The following C4orf50 variants were observed in gnomAD, a reference collection of about 807,000 sequenced individuals.
C4orf50 encodes chromosome 4 open reading frame 50.
C4orf50 carries 80 observed loss-of-function variants against 77.2 expected under a neutral mutation model. The observed-to-expected ratio is 1.04, with a 90% CI of 0.87 to 1.25. The LOEUF (loss-of-function observed/expected upper bound fraction) is 1.25. C4orf50 is among the 50% of genes most tolerant of loss of function. The pLI is 0.00. For synonymous variants in C4orf50, 532 were observed against 465.3 expected (o/e 1.14, Z -1.84); for missense variants, 1,257 against 1,152.9 (o/e 1.09, Z -1.31).
intron 32 of C4orf50, 56 bp from the exon 11 acceptor site, chr4:5,965,201 A>G (rs942876910): frequency 3.2e-6 from 5 of 1,571,192 alleles, no homozygotes; most frequent in South Asian, 2.3e-5. Context: ...TGAAAAGTCT[A>G]CAAGTGTCTG....
At chr4:5,977,041 G>A (rs1299908575) in intron 29 of C4orf50, among the ~76,000 whole-genome samples, 1 of 152,290 alleles carries the variant, frequency 6.6e-6, no homozygotes, top group East Asian at 1.9e-4. Context: ...CCTCTGGGGA[G>A]ACCGTGAGAC....
At chr4:5,976,245 A>G (rs1439033265) in intron 29 of C4orf50, among the ~76,000 whole-genome samples, 2 of 151,822 alleles carry the variant, frequency 1.3e-5, no homozygotes, top group Non-Finnish European at 2.9e-5. Flanking sequence ...GGAGATCGAG[A>G]CCATCCTGGC....
intron 28 of C4orf50, 35 bp from the exon 7 acceptor site, chr4:5,980,373 G>C: frequency 6.3e-7 from 1 of 1,593,686 alleles, no homozygotes; most frequent in Non-Finnish European, 8.5e-7. Context: ...AAATGTTTAG[G>C]TTATCCTTCA....
At position 5,916,707 on chromosome 4, in the gene C4orf50, T is replaced by C. The variant is rs1423582348; in HGVS notation, c.*2475-18519A>G. ...GAGACAGGGAGGGCAGAGAAGACAA[T>C]ATCCAGATGGGTACTGAGGTCACTC... On this transcript the variant is annotated intron_variant, in intron 7 of 7. Transcript: ENST00000324058. This position sits in a 1 kb window ranked among gnomAD's most constrained non-coding sequence, Gnocchi z 4.4. Among the ~76,000 whole-genome samples, 57 of 152,040 alleles carry C rather than the reference T, an allele frequency of 3.7e-4. No homozygotes were observed. The highest frequency in any genetic ancestry group is 8.8e-5 in the Non-Finnish European group (6 of 67,972).
downstream of C4orf50, among the ~76,000 whole-genome samples, chr4:5,954,316 G>T (rs116489933): frequency 6.6e-6 from 1 of 152,056 alleles, no homozygotes; most frequent in Admixed American, 6.5e-5. This position sits in a 1 kb window ranked among gnomAD's most constrained non-coding sequence, Gnocchi z 4.7. Context: ...CCGGGGCTGG[G>T]CATGGGGAAG....
At chr4:5,911,752 C>CA (rs1471194525) in intron 7 of C4orf50, among the ~76,000 whole-genome samples, 1 of 152,046 alleles carries the variant, frequency 6.6e-6, no homozygotes, top group African/African-American at 2.4e-5. Flanking sequence ...AAAACAAAAA[C>CA]AAAACAAACA....
At chr4:5,988,972 T>G (rs1721079985) in exon 28 of C4orf50, 1 of 1,535,932 alleles carries the variant, frequency 6.5e-7, no homozygotes, top group African/African-American at 1.4e-5. Flanking sequence ...CAGATTCCCT[T>G]TCAGTGTTTC....
At chr4:6,010,895 G>A (rs1722468654) in intron 24 of C4orf50, among the ~76,000 whole-genome samples, 1 of 152,214 alleles carries the variant, frequency 6.6e-6, no homozygotes. Context: ...TCTTTTACAT[G>A]TATCAACTTA....
Position 5,992,898 on chromosome 4 carries a change from G to A in C4orf50, c.1126C>T (p.Arg376Cys), listed in dbSNP as rs61586482. Residue 376 changes from arginine to cysteine, a missense_variant, in exon 27 of 34, where the codon CGC becomes TGC. By Grantham distance (180) the Arg-to-Cys change is radical (BLOSUM62 -3). Coordinates refer to ENST00000531445, the Ensembl canonical transcript of C4orf50. The surrounding 1 kb of genome is among the most constrained non-coding windows in gnomAD (Gnocchi z 5.0). ...GAAGAGGCCCGTCCAGGCCTGATGC[G>A]GCTCCAGGTGCAGGGCCCCTCTGGG... is the stretch of plus-strand genomic sequence containing the variant. 3,229 of 399,062 alleles carry A rather than the reference G, an allele frequency of 8.1e-3. 87 individuals are homozygous for A. The highest frequency in any genetic ancestry group is 0.061 in the African/African-American group (2,982 of 48,728). 24.7% of individuals were successfully genotyped at this position (399,062 alleles called of 1,614,324 possible). A position where few individuals can be genotyped will look rare whatever the true frequency, so the allele number is the denominator to read the frequency against.
rs936417695 is a variant in C4orf50 at position 6,007,703 on chromosome 4, G to C, written c.963+293C>G. Among the ~76,000 whole-genome samples the C allele has an allele frequency of 2.0e-5, 3 of 152,108 alleles. No homozygotes were observed. Among genetic ancestry groups the C allele is most frequent in the South Asian group, 2.1e-4 (1 of 4,798 alleles). On this transcript the variant is annotated intron_variant, in intron 25 of 33. Transcript: ENST00000531445. This position sits in a 1 kb window ranked among gnomAD's most constrained non-coding sequence, Gnocchi z 4.1. ...GGGTAGGTGGGCGAGTGGTTGGATA[G>C]GTAGATGGATGGATGATGGGCAAGT...
intron 31 of C4orf50, among the ~76,000 whole-genome samples, chr4:5,972,078 C>T (rs1217583420): frequency 6.8e-6 from 1 of 147,630 alleles, no homozygotes; most frequent in East Asian, 2.0e-4. Context: ...GATCTCGGCT[C>T]ACTGCAACCT....
exon 28 of C4orf50, chr4:5,990,169 G>A (rs1239462095): frequency 1.6e-6 from 2 of 1,250,994 alleles, no homozygotes; most frequent in African/African-American, 1.5e-5. Flanking sequence ...CTGTAGAAGA[G>A]GCATCAAAAA....
At chr4:5,983,635 T>C (rs536853807) in intron 28 of C4orf50, among the ~76,000 whole-genome samples, 4 of 152,274 alleles carry the variant, frequency 2.6e-5, no homozygotes, top group African/African-American at 7.2e-5. Context: ...TAGTACAGGG[T>C]CACAATCCTT....
rs181311280 is a variant in C4orf50, at chr4:5,942,153, G to T, written c.*2474+14748C>A. Among the ~76,000 whole-genome samples, 5 of 152,264 alleles carry T rather than the reference G, an allele frequency of 3.3e-5. No homozygotes were observed. The East Asian group carries it at 7.7e-4, about 24-fold the overall frequency. On this transcript the variant is annotated intron_variant, in intron 7 of 7. Coordinates refer to the C4orf50 transcript ENST00000324058. ...TGAAATCATCAGAGGTGTGGGGTGG[G>T]TTACAAATGGACTGAAAAGGCCTCC...
At chr4:5,971,610 C>T (rs554059097) in intron 31 of C4orf50, among the ~76,000 whole-genome samples, 1 of 152,290 alleles carries the variant, frequency 6.6e-6, no homozygotes, top group African/African-American at 2.4e-5. Context: ...AATAACTTTC[C>T]CTGCTCTCGT....
chr4:5,968,566 C>T (rs188665394), intron 31 of C4orf50, among the ~76,000 whole-genome samples: 1 of 152,336 alleles, frequency 6.6e-6, no homozygotes, highest in Admixed American at 6.5e-5. Context: ...ACCCCGGTGC[C>T]TGTGTCCACT....
exon 28 of C4orf50, chr4:5,989,363 G>A (rs1418309110): frequency 6.5e-7 from 1 of 1,535,888 alleles, no homozygotes; most frequent in East Asian, 2.4e-5. Context: ...AGTGTCCCTG[G>A]GTTACCAGGA....
At chr4:5,951,666 C>A (rs761283301) in intron 7 of C4orf50, among the ~76,000 whole-genome samples, 1 of 152,180 alleles carries the variant, frequency 6.6e-6, no homozygotes, top group Non-Finnish European at 1.5e-5. Context: ...AAATAACAGT[C>A]CTTCCAACAG....
Position 5,973,778 on chromosome 4 carries a change from G to A in C4orf50, c.3985C>T (p.Gln1329Ter). ...CCCAGCCCATGTCTGTGCAGCTCCTGCAGCAGGTGGGTGATCAGGCGGTTC... is the reference window on the plus strand; with the variant it reads ...CCCAGCCCATGTCTGTGCAGCTCCTACAGCAGGTGGGTGATCAGGCGGTTC... Residue 1329 changes from glutamine to a stop codon, truncating the protein, a stop_gained, in exon 31 of 34, where the codon CAG becomes TAG. Coordinates refer to ENST00000531445, the Ensembl canonical transcript of C4orf50. LOFTEE classifies it high-confidence loss of function. 6.2e-7 allele frequency: 1 copy of A among 1,613,764 alleles called. No individual in the cohort carries two copies. Among genetic ancestry groups the A allele is most frequent in the Non-Finnish European group, 8.5e-7 (1 of 1,179,888 alleles).
Sources: allele counts gnomAD v4.1 joint callset (sites outside exome capture counted in the v4.1 genomes callset), GRCh38; gene constraint gnomAD v4.1.1; non-coding constraint Gnocchi (gnomAD v3.1); transcripts MANE v1.5; gene names NCBI Gene and HGNC (gene_info 2026-07-23, HGNC 2026-07-21).